The following CDC42BPG variants were observed in gnomAD, a reference collection of about 807,000 sequenced individuals.
The protein encoded by CDC42BPG is CDC42 binding protein kinase gamma.
Under a neutral mutation model 192.2 loss-of-function variants are expected in CDC42BPG, and 157 were observed. That is an observed-to-expected ratio of 0.82 (90% CI 0.72 to 0.93). CDC42BPG has a LOEUF of 0.93. Among genes scored for constraint, CDC42BPG ranks in the 40% least tolerant of loss-of-function variants. The pLI is 0.00. For missense variants in CDC42BPG, 1,992 were observed against 2,122.1 expected (o/e 0.94, Z 1.20); for synonymous variants, 981 against 918.5 (o/e 1.07, Z -1.23).
chr11:64,842,556 C>T (rs538358404), intron 1 of CDC42BPG, among the ~76,000 whole-genome samples: 2 of 152,322 alleles, frequency 1.3e-5, no homozygotes, highest in African/African-American at 2.4e-5. Context: ...GATGCCTTTC[C>T]CTGGTGCTAG....
chr11:64,824,731 G>A (rs1188954447), intron 36 of CDC42BPG, among the ~76,000 whole-genome samples: 1 of 152,014 alleles, frequency 6.6e-6, no homozygotes, highest in Non-Finnish European at 1.5e-5. Flanking sequence ...ACTTTGAATG[G>A]ACTCAAAGTC....
intron 30 of CDC42BPG, among the ~76,000 whole-genome samples, chr11:64,828,433 C>A (rs955674173): frequency 2.6e-5 from 4 of 152,084 alleles, no homozygotes; most frequent in Non-Finnish European, 5.9e-5. Flanking sequence ...GAAGTGGAGG[C>A]GATGAGAGCC....
intron 18 of CDC42BPG, 54 bp downstream of exon 18, chr11:64,834,795 C>A: frequency 6.5e-7 from 1 of 1,539,862 alleles, no homozygotes; most frequent in Non-Finnish European, 8.9e-7. Context: ...GCTGAGCTCA[C>A]GGAAGGTCAG....
chr11:64,829,322 A>G (rs1390998383), intron 30 of CDC42BPG, 149 bp downstream of exon 30: 1 of 969,704 alleles, frequency 1.0e-6, no homozygotes. Context: ...TGCAAGCCAC[A>G]GAGGGTGGGA....
At position 64,833,316 on chromosome 11, in the gene CDC42BPG, G is replaced by T; in HGVS notation, c.2646C>A (p.Arg882=). ...TGGTCGGGGATGGGAAGCTCCGGGG[G>T]CGCAGCGTGTGTGAGCCGGGCTGGG... ...LPAKPGSHTL[R]PRSFPSPTKC... Residue 882 remains arginine (R), a synonymous_variant, in exon 24 of 37, where the codon CGC becomes CGA. Transcript: ENST00000342711. 3 of 1,535,622 alleles carry T rather than the reference G, an allele frequency of 2.0e-6. No homozygotes were observed. The highest frequency in any genetic ancestry group is 1.2e-5 in the South Asian group (1 of 82,792).
At position 64,826,858 on chromosome 11, in the gene CDC42BPG, C is replaced by T. The variant is rs923912806; in HGVS notation, c.4390-64G>A. The T allele has an allele frequency of 2.0e-5, 29 of 1,445,986 alleles. No homozygotes were observed. In the Middle Eastern group the frequency reaches 7.6e-4, roughly 38 times the overall value. 89.6% of individuals were successfully genotyped at this position (1,445,986 alleles called of 1,614,324 possible). On this transcript the variant is annotated intron_variant, in intron 34 of 36. Transcript: ENST00000342711. ...CACAAGGAGGACAAGAGGCCCAAGG[C>T]ACAACAGACCAGGACAAATGAACGC...
chr11:64,825,804 A>G, intron 36 of CDC42BPG, among the ~76,000 whole-genome samples: 1 of 152,124 alleles, frequency 6.6e-6, no homozygotes. Context: ...GGTGGCTCAC[A>G]TCAGTAATCC....
In CDC42BPG at chr11:64,824,403, G is replaced by T; in HGVS notation, c.*70C>A. ...CATGTCCCGGACCAGCCGGAGTATG[G>T]CATTCCTCAAGCTCTTTGCTCCCTC... On this transcript the variant is annotated 3_prime_UTR_variant, in exon 37 of 37. Transcript: ENST00000342711. 9.3e-7 allele frequency: 1 copy of T among 1,069,954 alleles called. No homozygotes were observed. Among genetic ancestry groups the T allele is most frequent in the Non-Finnish European group, 1.5e-6 (1 of 681,536 alleles). 66.3% of individuals were successfully genotyped at this position (1,069,954 alleles called of 1,614,324 possible).
Position 64,836,731 on chromosome 11 carries a change from A to AG in CDC42BPG, c.1384+7dup. The AG allele has an allele frequency of 1.2e-6, 1 of 802,504 alleles. No homozygotes were observed. Among genetic ancestry groups the AG allele is most frequent in the South Asian group, 1.9e-5 (1 of 53,530 alleles). The allele number at this position is 802,504 out of a possible 1,614,324, so 49.7% of individuals were successfully genotyped here. A position where few individuals can be genotyped will look rare whatever the true frequency, so the allele number is the denominator to read the frequency against. ...TGGGGGGGGGGGGGGGGTGGGCGGAAGGGATACCTGGCAGCCTGTCCCGCA... is the reference window on the plus strand; with the variant it reads ...TGGGGGGGGGGGGGGGGTGGGCGGAAGGGGATACCTGGCAGCCTGTCCCGCA... On this transcript the variant is annotated splice_region_variant and intron_variant, in intron 11 of 36. Coordinates refer to ENST00000342711, the MANE Select transcript of CDC42BPG (RefSeq NM_017525.3).
intron 16 of CDC42BPG, 47 bp from the exon 17 acceptor site, chr11:64,835,200 G>T (rs368167553): frequency 1.1e-5 from 18 of 1,601,928 alleles, no homozygotes; most frequent in Non-Finnish European, 1.4e-5. Flanking sequence ...CAGCAGTCCT[G>T]GGACTGCCGT....
chr11:64,824,513 C>T lies in CDC42BPG; in HGVS notation c.4616G>A (p.Arg1539Gln), dbSNP rs1942345271. The change falls in exon 37 of 37, where the codon CGA becomes CAA. Residue 1539 changes from arginine to glutamine, a missense_variant. Physicochemically the swap from Arg to Gln is conservative, Grantham distance 43 (BLOSUM62 1). Coordinates refer to ENST00000342711, the MANE Select transcript of CDC42BPG (RefSeq NM_017525.3). ...TSLMQVSERPRSLPLSPELES... is the reference protein window; with the variant it reads ...TSLMQVSERPQSLPLSPELES... ...CAATTCAGGGGATAGGGGGAGGCTT[C>T]GGGGCCGTTCTGAGACCTGCAGGAG... 5.6e-6 allele frequency: 9 copies of T among 1,608,364 alleles called. No homozygotes were observed. The highest frequency in any genetic ancestry group is 2.2e-5 in the East Asian group (1 of 44,880).
chr11:64,833,995 G>C lies in CDC42BPG; in HGVS notation c.2414-18C>G. On this transcript the variant is annotated intron_variant, in intron 20 of 36. Transcript: ENST00000342711. ...CTTGGTGTCTGCAAAGAAAGGGTGG[G>C]TCACTGGCCTGGGGTCCCTGGCCTG... The C allele has an allele frequency of 6.2e-7, 1 of 1,614,178 alleles. No individual in the cohort carries two copies.
chr11:64,844,486 C>G lies in CDC42BPG; in HGVS notation c.84G>C (p.Leu28=). 1 of 1,433,812 alleles carries G rather than the reference C, an allele frequency of 7.0e-7. No individual in the cohort carries two copies. Among genetic ancestry groups the G allele is most frequent in the African/African-American group, 1.5e-5 (1 of 67,500 alleles). 88.8% of individuals were successfully genotyped at this position (1,433,812 alleles called of 1,614,324 possible). A position where few individuals can be genotyped will look rare whatever the true frequency, so the allele number is the denominator to read the frequency against. The change falls in exon 1 of 37, where the codon CTG becomes CTC. Residue 28 remains leucine (L), a synonymous_variant. Transcript: ENST00000342711. ...GCPGLDGLLD[L]LLALHHELSS... is the part of the protein sequence containing the mutation. ...TGAGCTCGTGGTGCAGCGCCAGCAG[C>G]AGATCTAGGAGGCCGTCGAGCCCCG...
At chr11:64,835,741 C>T in intron 14 of CDC42BPG, 21 bp downstream of exon 14, 1 of 1,613,016 alleles carries the variant, frequency 6.2e-7, no homozygotes, top group Non-Finnish European at 8.5e-7. Context: ...CACCTCTTGC[C>T]AAGGGGGAGG....
At chr11:64,842,777 G>A (rs1305582674) in intron 1 of CDC42BPG, among the ~76,000 whole-genome samples, 1 of 152,168 alleles carries the variant, frequency 6.6e-6, no homozygotes, top group Non-Finnish European at 1.5e-5. Context: ...GAAGGAATTG[G>A]GTCTTAGGGA....
intron 25 of CDC42BPG, 39 bp downstream of exon 25, chr11:64,832,787 C>A (rs900643177): frequency 2.1e-5 from 33 of 1,592,248 alleles, no homozygotes; most frequent in Non-Finnish European, 2.8e-5. Context: ...GACCCTCAGC[C>A]CCCCATGCCC....
At chr11:64,828,413 A>C (rs1181581464) in intron 30 of CDC42BPG, among the ~76,000 whole-genome samples, 1 of 152,196 alleles carries the variant, frequency 6.6e-6, no homozygotes, top group East Asian at 1.9e-4. Context: ...CAGTGCACCA[A>C]GCCAGTCATG....
At position 64,836,719 on chromosome 11, in the gene CDC42BPG, G is replaced by GGAGC; in HGVS notation, c.1384+19_1384+20insGCTC. ...GGGACTCAGCCCTGGGGGGGGGGGG[G>GGAGC]GGGTGGGCGGAAGGGATACCTGGCA... On this transcript the variant is annotated intron_variant, in intron 11 of 36. Transcript: ENST00000342711. The GGAGC allele has an allele frequency of 1.2e-5, 10 of 842,262 alleles. 1 individual carries two copies. The highest frequency in any genetic ancestry group is 1.7e-5 in the Non-Finnish European group (10 of 582,314). The allele number at this position is 842,262 out of a possible 1,614,324, so 52.2% of individuals were successfully genotyped here.
intron 34 of CDC42BPG, 22 bp from the exon 35 acceptor site, chr11:64,826,816 G>A (rs1942444050): frequency 2.7e-6 from 4 of 1,479,722 alleles, no homozygotes; most frequent in Non-Finnish European, 3.6e-6. Context: ...CAGTGCGGAG[G>A]GGCTGGGACT....
Sources: allele counts gnomAD v4.1 joint callset (sites outside exome capture counted in the v4.1 genomes callset), GRCh38; gene constraint gnomAD v4.1.1; transcripts MANE v1.5; gene names NCBI Gene and HGNC (gene_info 2026-07-23, HGNC 2026-07-21).